NTM: variants seen among roughly 807,000 people sequenced by gnomAD.
NTM encodes IgLON family member 2.
Under a neutral mutation model 42.1 loss-of-function variants are expected in NTM, and 13 were observed. The ratio of observed to expected loss-of-function variants is 0.31; its 90% CI spans 0.20 to 0.49. NTM has a LOEUF of 0.49. Among genes scored for constraint, NTM ranks in the 20% least tolerant of loss-of-function variants. The pLI is 0.99. For synonymous variants in NTM, 187 were observed against 179.2 expected (o/e 1.04, Z -0.35); for missense variants, 373 against 452.8 (o/e 0.82, Z 1.60).
chr11:131,586,838 T>A (rs571324856), intron 1 of NTM, among the ~76,000 whole-genome samples: 1 of 152,336 alleles, frequency 6.6e-6, no homozygotes, highest in Non-Finnish European at 1.5e-5. Context: ...GCTTTTTAAG[T>A]GTTTTCAACT....
chr11:131,445,314 T>C (rs1323354756), intron 1 of NTM, among the ~76,000 whole-genome samples: 1 of 152,150 alleles, frequency 6.6e-6, no homozygotes, highest in Non-Finnish European at 1.5e-5. Flanking sequence ...CACTGACACA[T>C]TTGCACATTC....
intron 1 of NTM, among the ~76,000 whole-genome samples, chr11:131,859,771 A>T: frequency 6.6e-6 from 1 of 152,200 alleles, no homozygotes; most frequent in East Asian, 1.9e-4. Context: ...GAAGTGCTCT[A>T]CAAACAGTAT....
intron 1 of NTM, among the ~76,000 whole-genome samples, chr11:131,446,621 A>G (rs1366422086): frequency 6.6e-6 from 1 of 152,162 alleles, no homozygotes; most frequent in Admixed American, 6.5e-5. Context: ...CCTGGAGTCA[A>G]CTGAAACAAG....
At chr11:132,084,168 TG>T (rs1458985013) in intron 2 of NTM, among the ~76,000 whole-genome samples, 1 of 152,120 alleles carries the variant, frequency 6.6e-6, no homozygotes, top group African/African-American at 2.4e-5. Context: ...GTCAAATTCA[TG>T]TAGCTGATTA....
At chr11:131,894,391 A>G (rs2051900451) in intron 1 of NTM, among the ~76,000 whole-genome samples, 1 of 152,216 alleles carries the variant, frequency 6.6e-6, no homozygotes, top group Non-Finnish European at 1.5e-5. Flanking sequence ...ATAAGAAAGT[A>G]AGGGAGTGAA....
intron 1 of NTM, among the ~76,000 whole-genome samples, chr11:131,567,961 A>G (rs2057059904): frequency 1.3e-5 from 2 of 152,230 alleles, no homozygotes; most frequent in South Asian, 2.1e-4. Context: ...ATAAATTCAT[A>G]AACAGTAATG....
rs566241709 is a variant in NTM, at chr11:132,005,960, G to A, written c.167+94312G>A. Among the ~76,000 whole-genome samples the A allele has an allele frequency of 2.4e-4, 37 of 152,284 alleles. 1 individual carries two copies. Among genetic ancestry groups the A allele is most frequent in the South Asian group, 1.7e-3 (8 of 4,832 alleles). ...AGGTAAAGATTTTAACCACATTTGCGTGTTTCAATTATTAGTGTTTTCCCT... is the reference window on the plus strand; with the variant it reads ...AGGTAAAGATTTTAACCACATTTGCATGTTTCAATTATTAGTGTTTTCCCT... On this transcript the variant is annotated intron_variant, in intron 2 of 8. Transcript: ENST00000683400.
intron 1 of NTM, among the ~76,000 whole-genome samples, chr11:131,628,887 C>T (rs1383292989): frequency 6.6e-6 from 1 of 152,230 alleles, no homozygotes. Flanking sequence ...GGCCATGAGC[C>T]CAAGAGCCAG....
intron 2 of NTM, among the ~76,000 whole-genome samples, chr11:132,004,632 TCTCACA>T (rs1490418314): frequency 2.1e-5 from 3 of 143,172 alleles, no homozygotes; most frequent in East Asian, 2.0e-4. Flanking sequence ...TCTCTCTCTC[TCTCACA>T]CACACACACA....
chr11:131,385,703 T>A (rs187605136), intron 1 of NTM, among the ~76,000 whole-genome samples: 507 of 152,190 alleles, frequency 3.3e-3, no homozygotes, highest in Non-Finnish European at 5.0e-3. Context: ...AAAATTTTTT[T>A]AAAATTATCC....
intron 1 of NTM, among the ~76,000 whole-genome samples, chr11:131,597,607 G>A (rs2059925304): frequency 6.6e-6 from 1 of 152,208 alleles, no homozygotes; most frequent in African/African-American, 2.4e-5. Flanking sequence ...CCCCTGGGAA[G>A]GAGGGACCTT....
intron 1 of NTM, among the ~76,000 whole-genome samples, chr11:131,451,746 G>A (rs928130812): frequency 6.6e-6 from 1 of 152,134 alleles, no homozygotes; most frequent in African/African-American, 2.4e-5. Flanking sequence ...ACTAGTGCTG[G>A]TGTGTGATCT....
chr11:132,031,178 C>G (rs1392322355), intron 2 of NTM, among the ~76,000 whole-genome samples: 1 of 152,204 alleles, frequency 6.6e-6, no homozygotes, highest in Non-Finnish European at 1.5e-5. Context: ...GATATGTGAC[C>G]AGTTATTCAA....
chr11:131,491,802 A>C (rs1954822630), intron 1 of NTM, among the ~76,000 whole-genome samples: 1 of 152,198 alleles, frequency 6.6e-6, no homozygotes, highest in Non-Finnish European at 1.5e-5. Flanking sequence ...CTTCAGAGAC[A>C]CATATGGGAA....
intron 1 of NTM, among the ~76,000 whole-genome samples, chr11:131,494,521 G>A (rs148010627): frequency 1.3e-3 from 193 of 152,296 alleles, no homozygotes; most frequent in Middle Eastern, 6.8e-3. Context: ...CCATTTGCTG[G>A]GGCTGGGAGT....
chr11:131,758,002 CTA>C (rs758363897), intron 1 of NTM, among the ~76,000 whole-genome samples: 53 of 152,162 alleles, frequency 3.5e-4, no homozygotes, highest in Non-Finnish European at 6.6e-4. Context: ...ATTGAATAGT[CTA>C]TGTTTCTAAA....
chr11:132,044,330 A>C (rs2077680589), intron 2 of NTM, among the ~76,000 whole-genome samples: 1 of 152,296 alleles, frequency 6.6e-6, no homozygotes. Context: ...TTTCATGCAA[A>C]TATAAGGCAT....
intron 1 of NTM, among the ~76,000 whole-genome samples, chr11:131,475,223 G>C (rs190602892): frequency 6.6e-6 from 1 of 152,306 alleles, no homozygotes; most frequent in East Asian, 1.9e-4. Context: ...AGACAGAGTA[G>C]ATATCTGCCC....
intron 4 of NTM, among the ~76,000 whole-genome samples, chr11:132,277,341 A>G (rs767876709): frequency 6.6e-6 from 1 of 152,180 alleles, no homozygotes; most frequent in Non-Finnish European, 1.5e-5. Flanking sequence ...GGTTGCTTCA[A>G]AACAGGAGAT....
Sources: gnomAD v4.1 joint callset for allele counts (sites outside exome capture counted in the v4.1 genomes callset) on GRCh38, gnomAD v4.1.1 for gene constraint, MANE v1.5 for transcripts, NCBI Gene and HGNC (gene_info 2026-07-23, HGNC 2026-07-21) for gene names.